Variants in NFIX observed in about 807,000 individuals in gnomAD.
NFIX encodes nuclear factor I X.
A neutral mutation model predicts 53.3 loss-of-function variants in NFIX; 2 were observed. The observed-to-expected ratio is 0.04, with a 90% CI of 0.02 to 0.12. The LOEUF (loss-of-function observed/expected upper bound fraction) is 0.12, where lower values mean the gene tolerates loss of function less well. Among genes scored for constraint, NFIX ranks in the 10% least tolerant of loss-of-function variants. The pLI is 1.00. For missense variants in NFIX, 310 were observed against 674.5 expected, an observed-to-expected ratio of 0.46 and a Z score of 5.99; for synonymous variants, 244 against 289.0, an observed-to-expected ratio of 0.84 and a Z score of 1.58.
intron 6 of NFIX, among the ~76,000 whole-genome samples, chr19:13,075,995 C>T (rs954399973): frequency 4.6e-5 from 7 of 152,190 alleles, no homozygotes; most frequent in African/African-American, 1.2e-4. Context: ...TGCCCCACCC[C>T]GTGGCCTCAT....
chr19:13,094,814 C>T lies in NFIX; in HGVS notation c.*165C>T. ...CCCTTCTCTCCTCCAGCCCGGGGACCCCCGCGGGCCCCAGAAGCAGCCCAG... is the reference window on the plus strand; with the variant it reads ...CCCTTCTCTCCTCCAGCCCGGGGACTCCCGCGGGCCCCAGAAGCAGCCCAG... On this transcript the variant is annotated 3_prime_UTR_variant, in exon 11 of 11. Coordinates refer to ENST00000592199, the MANE Select transcript of NFIX (RefSeq NM_001365902.3). This position sits in a 1 kb window ranked among gnomAD's most constrained non-coding sequence, Gnocchi z 4.3. The T allele has an allele frequency of 1.5e-6, 1 of 686,598 alleles. No individual in the cohort carries two copies. Among genetic ancestry groups the T allele is most frequent in the Non-Finnish European group, 2.4e-6 (1 of 412,138 alleles). 42.5% of individuals were successfully genotyped at this position (686,598 alleles called of 1,614,324 possible).
rs538671733 is a variant in NFIX, at chr19:13,022,185, G to A, written c.28-2836G>A. ...GGGTCTGGCTGTTGTTTGTGGCTGC[G>A]TGTAGAGCTTGTCAGGCGGAGTGCT... On this transcript the variant is annotated intron_variant, in intron 1 of 10. Transcript: ENST00000592199. This position sits in a 1 kb window ranked among gnomAD's most constrained non-coding sequence, Gnocchi z 4.5. Among the ~76,000 whole-genome samples, 1 of 152,274 alleles carries A rather than the reference G, an allele frequency of 6.6e-6. No homozygotes were observed. The highest frequency in any genetic ancestry group is 6.5e-5 in the Admixed American group (1 of 15,294).
intron 1 of NFIX, among the ~76,000 whole-genome samples, chr19:13,023,070 T>TTCTTTC (rs1555696112): frequency 7.2e-6 from 1 of 138,070 alleles, no homozygotes; most frequent in East Asian, 2.1e-4. Flanking sequence ...TTCTCTCTCT[T>TTCTTTC]TCTCTCTCTC....
At position 13,078,593 on chromosome 19, in the gene NFIX, T is replaced by G; in HGVS notation, c.956-20T>G. On this transcript the variant is annotated intron_variant, in intron 6 of 10. Coordinates refer to ENST00000592199, the MANE Select transcript of NFIX (RefSeq NM_001365902.3). The surrounding 1 kb of genome is among the most constrained non-coding windows in gnomAD (Gnocchi z 4.7). Reference sequence around the variant, plus strand: ...CCAGCCCAGCTAAACCTGCCCTGTGTTGCTGCTTCCTCCCCCCAGGCCCGG... The same window carrying G: ...CCAGCCCAGCTAAACCTGCCCTGTGGTGCTGCTTCCTCCCCCCAGGCCCGG... The G allele has an allele frequency of 6.3e-7, 1 of 1,592,270 alleles. No homozygotes were observed. The highest frequency in any genetic ancestry group is 8.6e-7 in the Non-Finnish European group (1 of 1,169,474).
intron 2 of NFIX, among the ~76,000 whole-genome samples, chr19:13,050,455 C>G (rs1445181129): frequency 6.6e-6 from 1 of 152,260 alleles, no homozygotes; most frequent in Non-Finnish European, 1.5e-5. Context: ...TTGTCCATTA[C>G]ACACCAGCTT....
At chr19:13,016,319 CA>C (rs1599724044) in intron 1 of NFIX, among the ~76,000 whole-genome samples, 1 of 152,166 alleles carries the variant, frequency 6.6e-6, no homozygotes, top group East Asian at 1.9e-4. Context: ...TAAAAGCTAG[CA>C]GGCATGTGGT....
intron 1 of NFIX, among the ~76,000 whole-genome samples, chr19:13,003,545 G>A (rs1326093865): frequency 2.0e-5 from 3 of 152,132 alleles, no homozygotes; most frequent in Admixed American, 1.3e-4. Flanking sequence ...GCACATGCAT[G>A]CAATAACACG....
At chr19:13,087,544 C>T (rs1407015676) in intron 8 of NFIX, among the ~76,000 whole-genome samples, 4 of 151,906 alleles carry the variant, frequency 2.6e-5, no homozygotes, top group Admixed American at 2.0e-4. Context: ...CAGCTCAGCC[C>T]GACAGCCCTC....
In NFIX at chr19:13,094,732, CCCCAG is replaced by C. The variant is rs547137032; in HGVS notation, c.*97_*101del. 2.3e-4 allele frequency: 324 copies of C among 1,434,918 alleles called. 2 individuals carry two copies. In the East Asian group the frequency reaches 6.2e-3, roughly 27 times the overall value. The allele number at this position is 1,434,918 out of a possible 1,614,324, so 88.9% of individuals were successfully genotyped here. On this transcript the variant is annotated 3_prime_UTR_variant, in exon 11 of 11. Transcript: ENST00000592199. This position sits in a 1 kb window ranked among gnomAD's most constrained non-coding sequence, Gnocchi z 4.3. ...AAGAAATTTTGAGAATGGAAAAATC[CCCCAG>C]CCCAGCCCAGCCCCACCGAAAAGCA...
At chr19:13,031,822 G>C (rs2013831877) in intron 2 of NFIX, among the ~76,000 whole-genome samples, 1 of 152,128 alleles carries the variant, frequency 6.6e-6, no homozygotes, top group Admixed American at 6.5e-5. Context: ...GGTTAGAAGG[G>C]GTAATGAGGC....
intron 2 of NFIX, among the ~76,000 whole-genome samples, chr19:13,039,378 A>T (rs1440426759): frequency 6.6e-6 from 1 of 152,160 alleles, no homozygotes; most frequent in Non-Finnish European, 1.5e-5. Flanking sequence ...TCAGAGATTC[A>T]TTAATATAAT....
chr19:13,063,392 C>A (rs1003136042), intron 2 of NFIX, among the ~76,000 whole-genome samples: 1 of 152,122 alleles, frequency 6.6e-6, no homozygotes, highest in African/African-American at 2.4e-5. Context: ...GCTGAGTGCC[C>A]ACCAGACAGA....
intron 2 of NFIX, among the ~76,000 whole-genome samples, chr19:13,061,511 C>A (rs2016088140): frequency 6.6e-6 from 1 of 152,212 alleles, no homozygotes. Flanking sequence ...CCGCCGCAGC[C>A]CTCGGAGGGC....
Position 13,088,266 on chromosome 19 carries a change from A to G in NFIX, c.1402+130A>G. On this transcript the variant is annotated intron_variant, in intron 9 of 10. Transcript: ENST00000592199. This position sits in a 1 kb window ranked among gnomAD's most constrained non-coding sequence, Gnocchi z 5.9. ...CCCCCAACCCAGAGCACCATGGACA[A>G]GAGCAGAGCCGAGCCCCCCAACCAC... 2.6e-6 allele frequency: 3 copies of G among 1,157,716 alleles called. No individual in the cohort carries two copies. Among genetic ancestry groups the G allele is most frequent in the Non-Finnish European group, 3.6e-6 (3 of 841,370 alleles). The allele number at this position is 1,157,716 out of a possible 1,614,324, so 71.7% of individuals were successfully genotyped here.
At chr19:13,010,082 T>TCCCTTGCTTTC (rs1422013433) in intron 1 of NFIX, among the ~76,000 whole-genome samples, 1 of 152,158 alleles carries the variant, frequency 6.6e-6, no homozygotes, top group Admixed American at 6.5e-5. Flanking sequence ...AACCCGCTTT[T>TCCCTTGCTTTC]CCCTTGCTTT....
chr19:13,072,421 C>G lies in NFIX; in HGVS notation c.560-626C>G, dbSNP rs1046382153. 2.0e-5 allele frequency among the ~76,000 whole-genome samples: 3 copies of G among 152,352 alleles called. No homozygotes were observed. In the South Asian group the frequency reaches 6.2e-4, roughly 32 times the overall value. On this transcript the variant is annotated intron_variant, in intron 2 of 10. Coordinates refer to ENST00000592199, the MANE Select transcript of NFIX (RefSeq NM_001365902.3). This position sits in a 1 kb window ranked among gnomAD's most constrained non-coding sequence, Gnocchi z 4.0. Reference sequence around the variant, plus strand: ...GCGACAGCGTCAGGGCAGACCTCCCCCCTCTGGGTTGCCAGGCACTGCCTC... The same window carrying G: ...GCGACAGCGTCAGGGCAGACCTCCCGCCTCTGGGTTGCCAGGCACTGCCTC...
At chr19:13,038,962 T>G (rs1247330025) in intron 2 of NFIX, among the ~76,000 whole-genome samples, 3 of 152,140 alleles carry the variant, frequency 2.0e-5, no homozygotes, top group African/African-American at 7.2e-5. Flanking sequence ...AGGGTCTACA[T>G]GCAAGGTCCT....
At chr19:13,018,660 C>T (rs921884952) in intron 1 of NFIX, among the ~76,000 whole-genome samples, 2 of 152,372 alleles carry the variant, frequency 1.3e-5, no homozygotes, top group Non-Finnish European at 2.9e-5. Flanking sequence ...GGAGGCCCCA[C>T]CCTCCTCTAG....
intron 2 of NFIX, among the ~76,000 whole-genome samples, chr19:13,041,253 G>A (rs1446449499): frequency 2.0e-5 from 3 of 152,192 alleles, no homozygotes; most frequent in Non-Finnish European, 4.4e-5. Context: ...TTTGGGGAGT[G>A]TGCCTGGTAC....
Sources: allele counts gnomAD v4.1 joint callset (sites outside exome capture counted in the v4.1 genomes callset), GRCh38; gene constraint gnomAD v4.1.1; non-coding constraint Gnocchi (gnomAD v3.1); transcripts MANE v1.5; gene names NCBI Gene and HGNC (gene_info 2026-07-23, HGNC 2026-07-21).